The following ELAPOR2 variants were observed in gnomAD, a reference collection of about 807,000 sequenced individuals.
The protein encoded by ELAPOR2 is endosome-lysosome associated apoptosis and autophagy regulator family member 2, also known as endosome/lysosome-associated apoptosis and autophagy regulator family member 2.
ELAPOR2 carries 89 observed loss-of-function variants against 120.7 expected under a neutral mutation model. The ratio of observed to expected loss-of-function variants is 0.74; its 90% CI spans 0.62 to 0.88. The LOEUF (loss-of-function observed/expected upper bound fraction) is 0.88. Ranked by LOEUF, ELAPOR2 falls within the 40% of genes least tolerant of loss-of-function variation. ELAPOR2 has a pLI of 0.00. For missense variants in ELAPOR2, 1,134 were observed against 1,251.6 expected, an observed-to-expected ratio of 0.91 and a Z score of 1.42; for synonymous variants, 444 against 444.9, an observed-to-expected ratio of 1.00 and a Z score of 0.03.
chr7:87,031,072 T>C (rs1584018079), intron 1 of ELAPOR2, among the ~76,000 whole-genome samples: 1 of 152,140 alleles, frequency 6.6e-6, no homozygotes, highest in East Asian at 1.9e-4. Context: ...CCCCCATGAT[T>C]CAATTATCTC....
intron 1 of ELAPOR2, among the ~76,000 whole-genome samples, chr7:87,027,373 T>C (rs1184096052): frequency 1.3e-5 from 2 of 152,172 alleles, no homozygotes; most frequent in African/African-American, 2.4e-5. Flanking sequence ...ATTGAGTAAC[T>C]GGTAACTGTG....
intron 1 of ELAPOR2, among the ~76,000 whole-genome samples, chr7:87,028,826 C>T (rs1027229131): frequency 6.6e-6 from 1 of 152,184 alleles, no homozygotes. Flanking sequence ...ATCAGCCACA[C>T]TCCACCCACA....
Position 86,891,855 on chromosome 7 carries a change from T to A in ELAPOR2, c.2899A>T (p.Thr967Ser), listed in dbSNP as rs779450758. ...GGGAGTTCACACTCTTTTGAGTTAG[T>A]CGTCATTACTAACTTGGAATATTTG... Reference protein sequence around the residue: ...EYKYSKLVMTTNSKECELPAA... With the variant: ...EYKYSKLVMTSNSKECELPAA... The change falls in exon 21 of 22, where the codon ACT becomes TCT. Residue 967 changes from threonine (T) to serine (S), a missense_variant. By Grantham distance (58) the Thr-to-Ser change is moderately conservative. This residue lies in a region of ELAPOR2 where 831 missense variants were observed against 867.6 expected (regional missense o/e 0.96). Transcript: ENST00000450689. 1 of 1,609,432 alleles carries A rather than the reference T, an allele frequency of 6.2e-7. No homozygotes were observed. The highest frequency in any genetic ancestry group is 8.5e-7 in the Non-Finnish European group (1 of 1,177,318).
chr7:87,020,717 G>C (rs565567890), intron 1 of ELAPOR2, among the ~76,000 whole-genome samples: 1 of 152,078 alleles, frequency 6.6e-6, no homozygotes, highest in African/African-American at 2.4e-5. Context: ...AAATGCCACT[G>C]AGTTTTCACT....
intron 5 of ELAPOR2, among the ~76,000 whole-genome samples, chr7:86,940,984 C>T (rs768631057): frequency 4.6e-5 from 7 of 151,930 alleles, no homozygotes; most frequent in East Asian, 3.9e-4. Context: ...TTAAGGTATA[C>T]GGATCTTAAA....
intron 10 of ELAPOR2, among the ~76,000 whole-genome samples, chr7:86,921,296 C>T (rs1584352781): frequency 1.3e-5 from 2 of 152,132 alleles, no homozygotes; most frequent in East Asian, 3.9e-4. Context: ...AAGGATGGGC[C>T]TTAATCCAAA....
intron 1 of ELAPOR2, among the ~76,000 whole-genome samples, chr7:86,990,915 C>T (rs576990761): frequency 1.3e-5 from 2 of 152,324 alleles, no homozygotes; most frequent in South Asian, 4.1e-4. Flanking sequence ...TGCAAAGCAT[C>T]TTATGGCCAC....
intron 1 of ELAPOR2, among the ~76,000 whole-genome samples, chr7:87,049,625 T>C (rs1263242381): frequency 6.6e-6 from 1 of 152,086 alleles, no homozygotes; most frequent in Non-Finnish European, 1.5e-5. Flanking sequence ...AAATGACAAT[T>C]GAGTAGAAAC....
intron 1 of ELAPOR2, among the ~76,000 whole-genome samples, chr7:86,968,645 C>T (rs536859191): frequency 4.6e-5 from 7 of 152,294 alleles, no homozygotes; most frequent in African/African-American, 1.7e-4. Context: ...CTGAAAGGTG[C>T]ACTAAAAAGC....
intron 1 of ELAPOR2, among the ~76,000 whole-genome samples, chr7:87,018,627 C>T (rs1206423062): frequency 1.3e-5 from 2 of 152,002 alleles, no homozygotes; most frequent in African/African-American, 2.4e-5. Flanking sequence ...TCTTAGTGCC[C>T]GAAAGTTCAA....
At chr7:86,969,277 G>A (rs916861277) in intron 1 of ELAPOR2, among the ~76,000 whole-genome samples, 1 of 152,048 alleles carries the variant, frequency 6.6e-6, no homozygotes, top group Non-Finnish European at 1.5e-5. Flanking sequence ...CACTACAAAA[G>A]CTGCATGGTG....
chr7:86,974,043 CTTTTT>C (rs1001237387), intron 1 of ELAPOR2, among the ~76,000 whole-genome samples: 1 of 148,078 alleles, frequency 6.8e-6, no homozygotes. Flanking sequence ...TAGTAATTTT[CTTTTT>C]TTTTTAATTC....
chr7:86,905,110 GGAAGGAAGGAAGGAAGGAAA>G (rs1314511685), intron 18 of ELAPOR2, among the ~76,000 whole-genome samples: 4 of 143,358 alleles, frequency 2.8e-5, no homozygotes, highest in African/African-American at 1.0e-4. Context: ...AAGGAAGGAA[GGAAGGAAGGAAGGAAGGAAA>G]GAAAGAAAAG....
rs368269754 is a variant in ELAPOR2, at chr7:86,922,457, A to G, written c.1399+3071T>C. 4.6e-5 allele frequency among the ~76,000 whole-genome samples: 7 copies of G among 152,020 alleles called. No homozygotes were observed. In the East Asian group the frequency reaches 1.4e-3, roughly 29 times the overall value. On this transcript the variant is annotated intron_variant, in intron 10 of 21. Transcript: ENST00000450689. ...AAAGTTGAAACCTAAAATTACTTAT[A>G]ACTTCATTACCTAGAAAAAAAACAC...
chr7:87,033,039 G>GTACA (rs1417787710), intron 1 of ELAPOR2, among the ~76,000 whole-genome samples: 2 of 152,132 alleles, frequency 1.3e-5, no homozygotes, highest in Non-Finnish European at 2.9e-5. Context: ...TAGCTGCCTG[G>GTACA]TACACCTAAT....
chr7:87,041,064 A>T (rs1253838936), intron 1 of ELAPOR2, among the ~76,000 whole-genome samples: 1 of 152,106 alleles, frequency 6.6e-6, no homozygotes, highest in Non-Finnish European at 1.5e-5. Flanking sequence ...GTTTAGAGAA[A>T]AAAGAATAAA....
chr7:87,053,477 A>C lies in ELAPOR2; in HGVS notation c.189+5848T>G, dbSNP rs188368776. On this transcript the variant is annotated intron_variant, in intron 1 of 21. Transcript: ENST00000450689. ...CCCTCTGGGCATATGAACTAGAAAA[A>C]GGTATCCCTTTTTCCAGGTAAATGC... is the stretch of plus-strand genomic sequence containing the variant. Among the ~76,000 whole-genome samples the C allele has an allele frequency of 1.6e-3, 248 of 152,256 alleles. 2 individuals carry two copies. Among genetic ancestry groups the C allele is most frequent in the African/African-American group, 5.8e-3 (240 of 41,562 alleles).
chr7:86,940,693 T>C (rs1435516863), intron 5 of ELAPOR2, among the ~76,000 whole-genome samples: 3 of 152,042 alleles, frequency 2.0e-5, no homozygotes, highest in Non-Finnish European at 4.4e-5. Flanking sequence ...AATTATAAAA[T>C]CAAACTAATT....
intron 1 of ELAPOR2, among the ~76,000 whole-genome samples, chr7:86,990,714 C>G (rs944201159): frequency 3.3e-5 from 5 of 152,104 alleles, no homozygotes; most frequent in Non-Finnish European, 5.9e-5. Context: ...ACCACAAGAG[C>G]ACACAGAACA....
Sources: gnomAD v4.1 joint callset for allele counts (sites outside exome capture counted in the v4.1 genomes callset) on GRCh38, gnomAD v4.1.1 for gene constraint, gnomAD v4.1.1 regional missense constraint, MANE v1.5 for transcripts, NCBI Gene and HGNC (gene_info 2026-07-23, HGNC 2026-07-21) for gene names.